Variants in EFCAB11 observed in about 807,000 individuals in gnomAD.
EFCAB11 encodes the protein EF-hand calcium binding domain 11, also known as EF-hand calcium-binding domain-containing protein 11.
Under a neutral mutation model 23.0 loss-of-function variants are expected in EFCAB11, and 14 were observed. The ratio of observed to expected loss-of-function variants is 0.61; its 90% CI spans 0.40 to 0.95. EFCAB11 has a LOEUF of 0.95. Among genes scored for constraint, EFCAB11 ranks in the 40% least tolerant of loss-of-function variants. The pLI is 0.00. For synonymous variants in EFCAB11, 65 were observed against 66.6 expected (o/e 0.98, Z 0.11); for missense variants, 198 against 195.8 (o/e 1.01, Z -0.07).
intron 5 of EFCAB11, among the ~76,000 whole-genome samples, chr14:89,927,578 C>A (rs76947713): frequency 0.062 from 9,510 of 152,218 alleles, 988 homozygotes; most frequent in African/African-American, 0.22. Context: ...GCCTCAGCAG[C>A]TGATTTTTTT....
intron 5 of EFCAB11, among the ~76,000 whole-genome samples, chr14:89,832,884 C>G (rs115026337): frequency 3.9e-5 from 6 of 152,128 alleles, no homozygotes; most frequent in Admixed American, 3.9e-4. Context: ...CTAAAAGTCA[C>G]GGACCATTTG....
intron 5 of EFCAB11, among the ~76,000 whole-genome samples, chr14:89,926,631 A>G (rs993494961): frequency 5.9e-5 from 9 of 152,258 alleles, no homozygotes; most frequent in African/African-American, 1.9e-4. Flanking sequence ...GAGCAAAGCA[A>G]GCAATTAAAA....
intron 5 of EFCAB11, among the ~76,000 whole-genome samples, chr14:89,855,482 T>A (rs933520526): frequency 2.6e-5 from 4 of 152,124 alleles, no homozygotes; most frequent in African/African-American, 9.7e-5. Flanking sequence ...TCTCAAACAA[T>A]AAATGAATAC....
intron 5 of EFCAB11, among the ~76,000 whole-genome samples, chr14:89,845,507 T>C (rs1264809415): frequency 6.6e-6 from 1 of 152,186 alleles, no homozygotes; most frequent in Non-Finnish European, 1.5e-5. Context: ...TCCTTGCACT[T>C]TGAACAGCCA....
Position 89,857,681 on chromosome 14 carries a change from C to T in EFCAB11, c.411-60357G>A, listed in dbSNP as rs188903043. On this transcript the variant is annotated intron_variant, in intron 5 of 5. Transcript: ENST00000316738. The stretch of plus-strand genomic sequence containing the variant: ...GTGAATGCTGTGGAATTGGCCCTCA[C>T]CAGTTCATCTAGAAACTGGGCAGCT... Among the ~76,000 whole-genome samples the T allele has an allele frequency of 2.3e-3, 344 of 152,286 alleles. 1 individual carries two copies. Among genetic ancestry groups the T allele is most frequent in the Middle Eastern group, 0.01 (3 of 294 alleles).
intron 3 of EFCAB11, 75 bp downstream of exon 3, chr14:89,950,022 C>A: frequency 7.1e-7 from 1 of 1,403,412 alleles, no homozygotes. Flanking sequence ...TGAGATGAGA[C>A]TGATGTAGGG....
chr14:89,881,479 T>G (rs80302021), intron 5 of EFCAB11, among the ~76,000 whole-genome samples: 1 of 16,428 alleles, frequency 6.1e-5, no homozygotes, highest in East Asian at 1.1e-3. Flanking sequence ...TTTTTTTTTT[T>G]CTTTGTCACC....
intron 5 of EFCAB11, among the ~76,000 whole-genome samples, chr14:89,798,724 ATG>A (rs1415809731): frequency 2.0e-5 from 3 of 152,216 alleles, no homozygotes; most frequent in Non-Finnish European, 4.4e-5. Flanking sequence ...GAGATGCTGA[ATG>A]CTTGTAGAGA....
chr14:89,931,075 G>C (rs1485419375), intron 5 of EFCAB11: 1 of 153,640 alleles, frequency 6.5e-6, no homozygotes, highest in African/African-American at 2.4e-5. Flanking sequence ...ACATGTGTCA[G>C]TAGCTTTGAA....
intron 3 of EFCAB11, among the ~76,000 whole-genome samples, chr14:89,946,894 A>G (rs1274558064): frequency 6.6e-6 from 1 of 151,998 alleles, no homozygotes; most frequent in Non-Finnish European, 1.5e-5. Flanking sequence ...TGTCATTTTT[A>G]TCTTTGTTCC....
intron 2 of EFCAB11, among the ~76,000 whole-genome samples, chr14:89,951,851 G>T (rs2139849722): frequency 6.6e-6 from 1 of 152,222 alleles, no homozygotes; most frequent in African/African-American, 2.4e-5. Context: ...CTTGAACCTG[G>T]AAAGTGGAGG....
At chr14:89,888,587 G>C (rs1888864131) in intron 5 of EFCAB11, among the ~76,000 whole-genome samples, 1 of 152,160 alleles carries the variant, frequency 6.6e-6, no homozygotes, top group Non-Finnish European at 1.5e-5. Flanking sequence ...AGCCTTGAGG[G>C]ATCTGTCCCC....
chr14:89,908,674 A>G (rs747023000), intron 5 of EFCAB11, among the ~76,000 whole-genome samples: 3 of 152,232 alleles, frequency 2.0e-5, no homozygotes, highest in Non-Finnish European at 4.4e-5. Flanking sequence ...ACTTTGGATA[A>G]GAGATACTCA....
intron 5 of EFCAB11, among the ~76,000 whole-genome samples, chr14:89,885,739 GAGAA>G (rs1340677604): frequency 1.7e-5 from 2 of 118,944 alleles, no homozygotes; most frequent in Non-Finnish European, 3.5e-5. Flanking sequence ...GAGAGAGAGA[GAGAA>G]AGAAAGGAAA....
intron 5 of EFCAB11, among the ~76,000 whole-genome samples, chr14:89,910,307 AT>A (rs555543160): frequency 6.6e-4 from 101 of 152,296 alleles, no homozygotes; most frequent in Non-Finnish European, 1.1e-3. Flanking sequence ...AGGATTTAAA[AT>A]GTCTAGTGAC....
intron 5 of EFCAB11, among the ~76,000 whole-genome samples, chr14:89,842,337 C>T (rs2140128881): frequency 6.6e-6 from 1 of 152,286 alleles, no homozygotes; most frequent in East Asian, 1.9e-4. Context: ...GCCTGTAATC[C>T]CAGCACTTTG....
At chr14:89,943,929 G>A (rs1890879531) in intron 3 of EFCAB11, among the ~76,000 whole-genome samples, 1 of 152,082 alleles carries the variant, frequency 6.6e-6, no homozygotes, top group South Asian at 2.1e-4. Flanking sequence ...ATACCTCTCT[G>A]CACATTAGAG....
At chr14:89,939,824 C>T (rs535092708) in intron 3 of EFCAB11, among the ~76,000 whole-genome samples, 4 of 152,252 alleles carry the variant, frequency 2.6e-5, no homozygotes, top group South Asian at 4.1e-4. Context: ...CTGCAACCTC[C>T]GCTTCCCAGG....
At chr14:89,872,951 C>T (rs1888328184) in intron 5 of EFCAB11, among the ~76,000 whole-genome samples, 1 of 152,102 alleles carries the variant, frequency 6.6e-6, no homozygotes, top group Non-Finnish European at 1.5e-5. Flanking sequence ...AGGGACCAAC[C>T]CTGTTGCTTT....
Sources: gnomAD v4.1 joint callset for allele counts (sites outside exome capture counted in the v4.1 genomes callset) on GRCh38, gnomAD v4.1.1 for gene constraint, MANE v1.5 for transcripts, NCBI Gene and HGNC (gene_info 2026-07-23, HGNC 2026-07-21) for gene names.